The following GCC2 variants were observed in gnomAD, a reference collection of about 807,000 sequenced individuals.
The protein encoded by GCC2 is GRIP and coiled-coil domain containing 2.
GCC2 carries 120 observed loss-of-function variants against 210.6 expected under a neutral mutation model. The ratio of observed to expected loss-of-function variants is 0.57; its 90% CI spans 0.49 to 0.66. The LOEUF is 0.66. Ranked by LOEUF, GCC2 falls within the 30% of genes least tolerant of loss-of-function variation. The pLI is 0.00. For missense variants in GCC2, 1,868 were observed against 1,871.9 expected (o/e 1.00, Z 0.04); for synonymous variants, 703 against 652.7 (o/e 1.08, Z -1.17).
Position 108,470,739 on chromosome 2 carries a change from G to T in GCC2, c.1410G>T (p.Gln470His). Residue 470 changes from glutamine (Q) to histidine (H), a missense_variant, in exon 6 of 23, where the codon CAG becomes CAT. Transcript: ENST00000309863. ...QGLKEQCENL[Q>H]QEKQEAILNY... ...TTAAGGAACAGTGTGAAAACCTACA[G>T]CAAGAAAAGCAAGAAGCAATTTTAA... 6.2e-7 allele frequency: 1 copy of T among 1,613,170 alleles called. No homozygotes were observed. Among genetic ancestry groups the T allele is most frequent in the Non-Finnish European group, 8.5e-7 (1 of 1,179,742 alleles).
At chr2:108,483,311 C>T in intron 12 of GCC2, 145 bp downstream of exon 12, 1 of 538,550 alleles carries the variant, frequency 1.9e-6, no homozygotes, top group Non-Finnish European at 3.3e-6. Context: ...GCAACCTCCG[C>T]CTCCCGAGTT....
intron 19 of GCC2, chr2:108,493,278 C>G (rs763332827): frequency 2.0e-6 from 1 of 489,188 alleles, no homozygotes; most frequent in Non-Finnish European, 2.7e-6. Context: ...TTAGTAGAGA[C>G]GCAGTTTCAC....
At chr2:108,464,315 G>C (rs1022813415) in intron 4 of GCC2, among the ~76,000 whole-genome samples, 3 of 152,172 alleles carry the variant, frequency 2.0e-5, no homozygotes, top group Admixed American at 6.5e-5. Flanking sequence ...CCCTCTGCAT[G>C]GTTAGAAGGG....
chr2:108,451,483 G>A (rs1240727925), intron 3 of GCC2, among the ~76,000 whole-genome samples: 1 of 152,202 alleles, frequency 6.6e-6, no homozygotes, highest in Non-Finnish European at 1.5e-5. Context: ...GAGATGGAAA[G>A]CTTCCTCAAT....
At chr2:108,496,925 T>C (rs1558759733) in intron 20 of GCC2, 45 bp from the exon 21 acceptor site, 2 of 1,610,240 alleles carry the variant, frequency 1.2e-6, no homozygotes. Context: ...TCTTCATCTT[T>C]AATGTATGAT....
At position 108,487,806 on chromosome 2, in the gene GCC2, C is replaced by A. The variant is rs759353170; in HGVS notation, c.4038C>A (p.Gly1346=). The change falls in exon 17 of 23, where the codon GGC becomes GGA. Residue 1346 remains glycine, a synonymous_variant. Transcript: ENST00000309863. Reference sequence around the variant, plus strand: ...CTATGTCTCAGGCTGAAACTGAGGGCGCTAAACAAGAAAGGTAAAGTCTGA... The same window carrying A: ...CTATGTCTCAGGCTGAAACTGAGGGAGCTAAACAAGAAAGGTAAAGTCTGA... The part of the protein sequence containing the change: ...NKSMSQAETE[G]AKQEREHLEM... 6.8e-6 allele frequency: 11 copies of A among 1,612,332 alleles called. No individual in the cohort carries two copies. Among genetic ancestry groups the A allele is most frequent in the South Asian group, 1.1e-5 (1 of 90,988 alleles).
At chr2:108,503,430 A>G (rs1421300631) in intron 22 of GCC2, among the ~76,000 whole-genome samples, 1 of 152,240 alleles carries the variant, frequency 6.6e-6, no homozygotes, top group Non-Finnish European at 1.5e-5. Context: ...TTAAGCAAAA[A>G]GAAAATTTCC....
Position 108,472,102 on chromosome 2 carries a change from T to C in GCC2, c.2773T>C (p.Leu925=). The part of the protein sequence containing the change: ...QKELRDRRAE[L]ILLKDSLAKS... ...AGAATTACGAGATAGGAGAGCAGAGTTGATACTATTAAAGGTACCATTCAT... is the reference window on the plus strand; with the variant it reads ...AGAATTACGAGATAGGAGAGCAGAGCTGATACTATTAAAGGTACCATTCAT... The change falls in exon 6 of 23, where the codon TTG becomes CTG. Residue 925 remains leucine, a synonymous_variant. Coordinates refer to ENST00000309863, the MANE Select transcript of GCC2 (RefSeq NM_181453.4). 1 of 1,536,488 alleles carries C rather than the reference T, an allele frequency of 6.5e-7. No individual in the cohort carries two copies.
In GCC2 at chr2:108,497,065, C is replaced by T. The variant is rs767055452; in HGVS notation, c.4738C>T (p.Arg1580Trp). ...TGCAGATCACTTAAACGGCCTGCTTCGGGAAACAGAAGCAACCAATGCAAT... is the reference window on the plus strand; with the variant it reads ...TGCAGATCACTTAAACGGCCTGCTTTGGGAAACAGAAGCAACCAATGCAAT... ...KSADHLNGLLRETEATNAILM... is the reference protein window; with the variant it reads ...KSADHLNGLLWETEATNAILM... Residue 1580 changes from arginine to tryptophan, a missense_variant, in exon 21 of 23, where the codon CGG (arginine) becomes TGG (tryptophan). By Grantham distance (101) the Arg-to-Trp change is moderately radical. Transcript: ENST00000309863. The T allele has an allele frequency of 6.8e-6, 11 of 1,611,988 alleles. No individual in the cohort carries two copies. The highest frequency in any genetic ancestry group is 2.2e-5 in the East Asian group (1 of 44,880).
chr2:108,480,881 C>A (rs1409943118), intron 9 of GCC2, among the ~76,000 whole-genome samples: 1 of 152,100 alleles, frequency 6.6e-6, no homozygotes, highest in African/African-American at 2.4e-5. Flanking sequence ...AACAAACCTG[C>A]ACATGTACCC....
chr2:108,501,867 T>C (rs1682942975), intron 22 of GCC2, among the ~76,000 whole-genome samples: 1 of 152,162 alleles, frequency 6.6e-6, no homozygotes, highest in Admixed American at 6.5e-5. Flanking sequence ...AATCTGGTTT[T>C]TTATAATCTT....
At chr2:108,474,570 A>G (rs1681409445) in intron 7 of GCC2, among the ~76,000 whole-genome samples, 2 of 152,180 alleles carry the variant, frequency 1.3e-5, no homozygotes, top group Non-Finnish European at 1.5e-5. Context: ...GGGATTTGCT[A>G]TAGGGAGAAA....
chr2:108,469,211 A>AT, intron 5 of GCC2, 127 bp downstream of exon 5: 1 of 508,066 alleles, frequency 2.0e-6, no homozygotes, highest in Non-Finnish European at 3.5e-6. Context: ...AGAAACCGAG[A>AT]TTGAGATTTT....
intron 18 of GCC2, among the ~76,000 whole-genome samples, chr2:108,490,966 T>C (rs1682377726): frequency 6.6e-6 from 1 of 152,188 alleles, no homozygotes; most frequent in African/African-American, 2.4e-5. Flanking sequence ...GAGGTATCTT[T>C]AGGAGTCTTT....
intron 12 of GCC2, among the ~76,000 whole-genome samples, chr2:108,483,369 A>G (rs540834682): frequency 2.0e-5 from 3 of 152,046 alleles, no homozygotes; most frequent in Non-Finnish European, 2.9e-5. Context: ...GATTCCACGC[A>G]TGCGTCACCA....
intron 6 of GCC2, 55 bp from the exon 7 acceptor site, chr2:108,472,772 T>C (rs1484227767): frequency 2.8e-5 from 29 of 1,031,514 alleles, no homozygotes; most frequent in Non-Finnish European, 3.9e-5. Context: ...GGAAAATGAA[T>C]TCTGATTCTG....
At position 108,469,992 on chromosome 2, in the gene GCC2, T is replaced by C; in HGVS notation, c.663T>C (p.Asn221=). ...EKKETVTQLQ[N]IIEANSQHYQ... ...AGGAAACAGTTACTCAACTCCAAAA[T>C]ATCATTGAGGCTAATTCTCAGCATT... Residue 221 remains asparagine (N), a synonymous_variant, in exon 6 of 23, where the codon AAT becomes AAC. Transcript: ENST00000309863. The C allele has an allele frequency of 6.2e-7, 1 of 1,612,878 alleles. No homozygotes were observed. Among genetic ancestry groups the C allele is most frequent in the South Asian group, 1.1e-5 (1 of 90,896 alleles).
chr2:108,497,354 G>T (rs148044169), intron 21 of GCC2, among the ~76,000 whole-genome samples: 8,395 of 152,198 alleles, frequency 0.055, 333 homozygotes, highest in Non-Finnish European at 0.078. Flanking sequence ...CTGACCTCGT[G>T]ATCCGCCTGC....
intron 7 of GCC2, among the ~76,000 whole-genome samples, chr2:108,474,197 A>C (rs1320078905): frequency 1.3e-5 from 2 of 152,150 alleles, no homozygotes; most frequent in Non-Finnish European, 2.9e-5. Context: ...TCAAATTACC[A>C]AGGGAGTATA....
Sources: allele counts gnomAD v4.1 joint callset (sites outside exome capture counted in the v4.1 genomes callset), GRCh38; gene constraint gnomAD v4.1.1; transcripts MANE v1.5; gene names NCBI Gene and HGNC (gene_info 2026-07-23, HGNC 2026-07-21).